AGAP1: variants seen among roughly 807,000 people sequenced by gnomAD.
The protein encoded by AGAP1 is arf-GAP with GTPase, ANK repeat and PH domain-containing protein 1.
In AGAP1, 29 loss-of-function variants were observed where a neutral mutation model predicts 105.3. That is an observed-to-expected ratio of 0.28 (90% CI 0.21 to 0.38). The LOEUF (loss-of-function observed/expected upper bound fraction) is 0.38. AGAP1 is among the 10% of genes least tolerant of loss of function. The probability of loss-of-function intolerance (pLI) is 1.00; values close to 1 mark genes in which losing one functional copy is unlikely to be tolerated. For synonymous variants in AGAP1, 509 were observed against 485.9 expected (o/e 1.05, Z -0.63); for missense variants, 998 against 1,165.1 (o/e 0.86, Z 2.09).
chr2:235,635,901 T>G lies in AGAP1; in HGVS notation c.164-73278T>G, dbSNP rs1946982680. Among the ~76,000 whole-genome samples, 1 of 151,736 alleles carries G rather than the reference T, an allele frequency of 6.6e-6. No homozygotes were observed. The highest frequency in any genetic ancestry group is 2.4e-5 in the African/African-American group (1 of 41,284). On this transcript the variant is annotated intron_variant, in intron 1 of 17. Transcript: ENST00000304032. The surrounding 1 kb of genome is among the most constrained non-coding windows in gnomAD (Gnocchi z 5.3). ...AGGCTGAGGCAGGTGGATCTTGAGG[T>G]CAGGAGTTCAACACCAGCCTGGCCA...
At chr2:235,676,173 TTGAA>T (rs887495095) in intron 1 of AGAP1, among the ~76,000 whole-genome samples, 31 of 152,174 alleles carry the variant, frequency 2.0e-4, no homozygotes, top group Admixed American at 1.8e-3. Flanking sequence ...ATGGAAAAGA[TTGAA>T]TGAATCACAG....
chr2:235,947,353 C>T (rs543100462), intron 12 of AGAP1, among the ~76,000 whole-genome samples: 1 of 152,322 alleles, frequency 6.6e-6, no homozygotes, highest in East Asian at 1.9e-4. Context: ...AGTTACTTCA[C>T]TTAGAATAAT....
rs1559537857 is a variant in AGAP1 at position 235,830,256 on chromosome 2, G to A, written c.1050+22925G>A. Among the ~76,000 whole-genome samples, 3 of 152,190 alleles carry A rather than the reference G, an allele frequency of 2.0e-5. No individual in the cohort carries two copies. The highest frequency in any genetic ancestry group is 1.3e-4 in the Admixed American group (2 of 15,282). On this transcript the variant is annotated intron_variant, in intron 9 of 17. Coordinates refer to ENST00000304032, the MANE Select transcript of AGAP1 (RefSeq NM_001037131.3). The surrounding 1 kb of genome is among the most constrained non-coding windows in gnomAD (Gnocchi z 5.5). ...GGGCCAGGCTACAGTCACCGTTTGA[G>A]TGCCCGTGGAGGATTGGTTTACTTA...
At position 235,893,403 on chromosome 2, in the gene AGAP1, C is replaced by T. The variant is rs1025674728; in HGVS notation, c.1155+9954C>T. On this transcript the variant is annotated intron_variant, in intron 10 of 17. Transcript: ENST00000304032. This position sits in a 1 kb window ranked among gnomAD's most constrained non-coding sequence, Gnocchi z 4.7. ...TGCTGTGTCTGTGGCGTGGGTGTAG[C>T]GTGTCTTTGGTGTGGGTGTGCCGTG... is the stretch of plus-strand genomic sequence containing the variant. Among the ~76,000 whole-genome samples the T allele has an allele frequency of 6.6e-6, 1 of 150,942 alleles. No homozygotes were observed.
At chr2:235,912,798 T>A (rs577430486) in intron 11 of AGAP1, among the ~76,000 whole-genome samples, 1 of 152,366 alleles carries the variant, frequency 6.6e-6, no homozygotes, top group East Asian at 1.9e-4. Flanking sequence ...CTAATGCTAT[T>A]AATATTATTG....
Position 236,061,649 on chromosome 2 carries a change from C to T in AGAP1, c.2114+12368C>T, listed in dbSNP as rs571231324. ...CCATCTGTCTGATGGCGAAAACAGG[C>T]ACCTCCATAGTAATGCAAAGTAGAT... is the stretch of plus-strand genomic sequence containing the variant. On this transcript the variant is annotated intron_variant, in intron 16 of 17. Transcript: ENST00000304032. The surrounding 1 kb of genome is among the most constrained non-coding windows in gnomAD (Gnocchi z 4.1). 6.6e-6 allele frequency among the ~76,000 whole-genome samples: 1 copy of T among 152,222 alleles called. No homozygotes were observed. The highest frequency in any genetic ancestry group is 1.9e-4 in the East Asian group (1 of 5,170).
At chr2:235,680,167 G>T (rs1008775679) in intron 1 of AGAP1, among the ~76,000 whole-genome samples, 4 of 152,232 alleles carry the variant, frequency 2.6e-5, no homozygotes, top group Non-Finnish European at 5.9e-5. Flanking sequence ...TTCCTTGTGG[G>T]CTACCCACGC....
chr2:235,822,761 T>C (rs1020203834), intron 9 of AGAP1, among the ~76,000 whole-genome samples: 3 of 151,920 alleles, frequency 2.0e-5, no homozygotes, highest in African/African-American at 7.3e-5. Flanking sequence ...CTGGGAGTGG[T>C]GAGTGTGAGT....
At chr2:235,809,491 G>A (rs1057175906) in intron 9 of AGAP1, among the ~76,000 whole-genome samples, 1 of 152,128 alleles carries the variant, frequency 6.6e-6, no homozygotes, top group Non-Finnish European at 1.5e-5. Flanking sequence ...AGCTCTCCAG[G>A]CCTCGGGTGC....
chr2:235,669,291 A>G lies in AGAP1; in HGVS notation c.164-39888A>G, dbSNP rs576776677. On this transcript the variant is annotated intron_variant, in intron 1 of 17. Transcript: ENST00000304032. ...GACTGTTTTTTAAACAAGTCACATG[A>G]GTTGCATCTTCGAGGCTGCATGGTT... is the stretch of plus-strand genomic sequence containing the variant. 5.3e-5 allele frequency among the ~76,000 whole-genome samples: 8 copies of G among 152,254 alleles called. No individual in the cohort carries two copies. The South Asian group carries it at 1.7e-3, about 32-fold the overall frequency.
intron 6 of AGAP1, among the ~76,000 whole-genome samples, chr2:235,768,687 C>T (rs1039421484): frequency 5.9e-5 from 9 of 152,206 alleles, no homozygotes; most frequent in East Asian, 3.9e-4. Context: ...GGGATGTGCA[C>T]GGTGCCGGGG....
chr2:235,968,224 G>A (rs187134823), intron 12 of AGAP1, among the ~76,000 whole-genome samples: 16 of 152,328 alleles, frequency 1.1e-4, no homozygotes, highest in Admixed American at 9.2e-4. Context: ...GCATGCTGCT[G>A]ATAGAAAAAG....
At chr2:236,065,674 T>A (rs1290654380) in intron 16 of AGAP1, among the ~76,000 whole-genome samples, 1 of 152,198 alleles carries the variant, frequency 6.6e-6, no homozygotes, top group Non-Finnish European at 1.5e-5. Context: ...GGGGTCCCAT[T>A]GTTGCCGGAA....
At chr2:235,613,192 C>T (rs945197912) in intron 1 of AGAP1, among the ~76,000 whole-genome samples, 41 of 152,004 alleles carry the variant, frequency 2.7e-4, no homozygotes, top group African/African-American at 8.2e-4. Context: ...GACTGGATTT[C>T]GCCATTTTGG....
At position 235,888,662 on chromosome 2, in the gene AGAP1, G is replaced by A. The variant is rs1198329403; in HGVS notation, c.1155+5213G>A. On this transcript the variant is annotated intron_variant, in intron 10 of 17. Coordinates refer to ENST00000304032, the MANE Select transcript of AGAP1 (RefSeq NM_001037131.3). The surrounding 1 kb of genome is among the most constrained non-coding windows in gnomAD (Gnocchi z 4.8). ...GGGCTTCACAGTGAGCTATGATCGT[G>A]CCACTGCACTCCAGCTTGGGCGACC... 4.0e-5 allele frequency among the ~76,000 whole-genome samples: 6 copies of A among 151,806 alleles called. No homozygotes were observed. Among genetic ancestry groups the A allele is most frequent in the South Asian group, 2.1e-4 (1 of 4,800 alleles).
intron 1 of AGAP1, among the ~76,000 whole-genome samples, chr2:235,572,958 C>T (rs1479277078): frequency 6.6e-6 from 1 of 151,492 alleles, no homozygotes; most frequent in African/African-American, 2.4e-5. Flanking sequence ...TGTCAGACTC[C>T]CCGATTGCTC....
Position 235,931,027 on chromosome 2 carries a change from C to A in AGAP1, c.1483+104C>A. The A allele has an allele frequency of 7.4e-7, 1 of 1,343,462 alleles. No homozygotes were observed. Among genetic ancestry groups the A allele is most frequent in the Non-Finnish European group, 1.0e-6 (1 of 1,001,896 alleles). The allele number at this position is 1,343,462 out of a possible 1,614,324, so 83.2% of individuals were successfully genotyped here. ...CTAAGCTCTCATGCTCCTCTGGGAG[C>A]GCAGCACCCTGTGGGGCGGCTGCAT... On this transcript the variant is annotated intron_variant, in intron 12 of 17. Coordinates refer to ENST00000304032, the MANE Select transcript of AGAP1 (RefSeq NM_001037131.3). The surrounding 1 kb of genome is among the most constrained non-coding windows in gnomAD (Gnocchi z 5.6).
At chr2:236,107,194 G>A (rs2059519730) in intron 16 of AGAP1, among the ~76,000 whole-genome samples, 1 of 151,944 alleles carries the variant, frequency 6.6e-6, no homozygotes, top group African/African-American at 2.4e-5. Context: ...CCTCCAGAGG[G>A]AAAACTGAAG....
intron 1 of AGAP1, among the ~76,000 whole-genome samples, chr2:235,607,217 C>T (rs1439541209): frequency 1.3e-5 from 2 of 152,150 alleles, no homozygotes; most frequent in Non-Finnish European, 2.9e-5. Flanking sequence ...CCCAGGGCTG[C>T]CCCTAGACCA....
Sources: gnomAD v4.1 joint callset for allele counts (sites outside exome capture counted in the v4.1 genomes callset) on GRCh38, gnomAD v4.1.1 for gene constraint, Gnocchi (gnomAD v3.1) non-coding constraint, MANE v1.5 for transcripts, NCBI Gene and HGNC (gene_info 2026-07-23, HGNC 2026-07-21) for gene names.